Variants in PMPCB observed in about 807,000 individuals in gnomAD.
The protein encoded by PMPCB is mitochondrial-processing peptidase subunit beta.
A neutral mutation model predicts 61.5 loss-of-function variants in PMPCB; 46 were observed. The observed-to-expected ratio is 0.75, with a 90% CI of 0.59 to 0.96. The LOEUF is 0.96. Ranked by LOEUF, PMPCB falls within the 40% of genes least tolerant of loss-of-function variation. PMPCB has a pLI of 0.00. For synonymous variants in PMPCB, 191 were observed against 201.6 expected (o/e 0.95, Z 0.44); for missense variants, 590 against 602.4 (o/e 0.98, Z 0.22).
At chr7:103,316,963 G>A (rs973724298), downstream of PMPCB, 3 of 1,613,662 alleles carry the variant, frequency 1.9e-6, no homozygotes, top group Admixed American at 1.7e-5. Context: ...TGTCGCATAC[G>A]AGCCTCAGCT....
downstream of PMPCB, among the ~76,000 whole-genome samples, chr7:103,332,691 GTGA>G (rs552810260): frequency 1.1e-4 from 17 of 152,034 alleles, no homozygotes; most frequent in African/African-American, 3.6e-4. Context: ...GTGCAGTGGT[GTGA>G]TCACGGCTCA....
At chr7:103,331,927 C>G (rs1818990180), downstream of PMPCB, among the ~76,000 whole-genome samples, 1 of 152,098 alleles carries the variant, frequency 6.6e-6, no homozygotes, top group Non-Finnish European at 1.5e-5. Flanking sequence ...TGAGAAATCT[C>G]CATACTAATT....
rs778459068 is a variant in PMPCB, at chr7:103,312,288, A to C, written c.*17A>C. On this transcript the variant is annotated 3_prime_UTR_variant, in exon 13 of 13. Transcript: ENST00000249269. ...CGTGATTAAAATGCTCCTAATCAAG[A>C]TTGTTTGAACACATGTATTTATAAA... 3 of 1,607,994 alleles carry C rather than the reference A, an allele frequency of 1.9e-6. No individual in the cohort carries two copies. Among genetic ancestry groups the C allele is most frequent in the South Asian group, 1.1e-5 (1 of 90,966 alleles).
chr7:103,337,793 C>T, the PMPCB span: 2 of 1,613,514 alleles, frequency 1.2e-6, no homozygotes, highest in Non-Finnish European at 1.7e-6. Flanking sequence ...AGTCCAAGAA[C>T]TGCATAATGA....
Position 103,313,943 on chromosome 7 carries a change from G to C in PMPCB, c.*1672G>C, listed in dbSNP as rs528450251. ...CACAGACTAATACTACCAGTAGCCT[G>C]ACTACTACTAGAAACTGCGGCCTGT... On this transcript the variant is annotated 3_prime_UTR_variant, in exon 13 of 13. Coordinates refer to ENST00000249269, the MANE Select transcript of PMPCB (RefSeq NM_004279.3). 1 of 985,348 alleles carries C rather than the reference G, an allele frequency of 1.0e-6. No homozygotes were observed. The highest frequency in any genetic ancestry group is 1.7e-5 in the African/African-American group (1 of 57,354). The allele number at this position is 985,348 out of a possible 1,614,324, so 61.0% of individuals were successfully genotyped here. A position where few individuals can be genotyped will look rare whatever the true frequency, so the allele number is the denominator to read the frequency against.
At chr7:103,298,351 G>A (rs1273086157) in intron 1 of PMPCB, among the ~76,000 whole-genome samples, 2 of 152,076 alleles carry the variant, frequency 1.3e-5, no homozygotes, top group African/African-American at 4.8e-5. Flanking sequence ...TTCCCTGAGG[G>A]AAGGGCATGT....
chr7:103,318,756 T>C (rs545587911), downstream of PMPCB, among the ~76,000 whole-genome samples: 2 of 152,260 alleles, frequency 1.3e-5, no homozygotes, highest in African/African-American at 4.8e-5. Context: ...TGGTTCTAAC[T>C]GTTATTACCC....
the PMPCB span, among the ~76,000 whole-genome samples, chr7:103,334,651 T>C: frequency 6.6e-6 from 1 of 151,796 alleles, no homozygotes; most frequent in Non-Finnish European, 1.5e-5. Flanking sequence ...TCTTGCTATG[T>C]TGTCCAGGTT....
In PMPCB at chr7:103,312,036, C is replaced by T; in HGVS notation, c.1330-20C>T. 1 of 1,607,974 alleles carries T rather than the reference C, an allele frequency of 6.2e-7. No individual in the cohort carries two copies. The highest frequency in any genetic ancestry group is 8.5e-7 in the Non-Finnish European group (1 of 1,176,032). On this transcript the variant is annotated intron_variant, in intron 11 of 12. Coordinates refer to ENST00000249269, the MANE Select transcript of PMPCB (RefSeq NM_004279.3). Reference sequence around the variant, plus strand: ...GTTTTTACTACAAACAGCTGAATGACAGTGTCTTCCATATTTCAGGCTGTG... The same window carrying T: ...GTTTTTACTACAAACAGCTGAATGATAGTGTCTTCCATATTTCAGGCTGTG...
In PMPCB at chr7:103,297,518, G is replaced by A; in HGVS notation, c.59G>A (p.Gly20Asp). 4 of 1,600,574 alleles carry A rather than the reference G, an allele frequency of 2.5e-6. No individual in the cohort carries two copies. The highest frequency in any genetic ancestry group is 3.4e-6 in the Non-Finnish European group (4 of 1,172,834). ...TCCGCGGCGCGGCGGCGGCTCTGGG[G>A]TTTCAGCGAGAGTCTTCTAATCCGA... ...LSSAARRRLW[G>D]FSESLLIRGA... The change falls in exon 1 of 13, where the codon GGT becomes GAT. Residue 20 changes from glycine (G) to aspartate (D), a missense_variant. Physicochemically the swap from Gly to Asp is moderately conservative, Grantham distance 94 (BLOSUM62 -1). Transcript: ENST00000249269.
chr7:103,321,154 C>T (rs779089797), intron 12 of PMPCB, among the ~76,000 whole-genome samples: 2 of 151,538 alleles, frequency 1.3e-5, no homozygotes, highest in African/African-American at 2.4e-5. Flanking sequence ...GCCGAGATGG[C>T]GCCACTGCAC....
chr7:103,307,607 G>A lies in PMPCB; in HGVS notation c.748G>A (p.Asp250Asn). 1.2e-6 allele frequency: 2 copies of A among 1,603,388 alleles called. No homozygotes were observed. Among genetic ancestry groups the A allele is most frequent in the Non-Finnish European group, 1.7e-6 (2 of 1,170,268 alleles). ...VLAAAGGVSH[D>N]ELLDLAKFHF... The stretch of plus-strand genomic sequence containing the variant: ...TTCTTTCAATTTAGGTGTTTCCCAT[G>A]ATGAATTGCTTGACTTAGCAAAGTT... Residue 250 changes from aspartate (D) to asparagine (N), a missense_variant, in exon 7 of 13, where the codon GAT becomes AAT. Asp to Asn is a conservative substitution (Grantham distance 23). Transcript: ENST00000249269.
chr7:103,318,834 T>C (rs1008884760), downstream of PMPCB, among the ~76,000 whole-genome samples: 10 of 152,212 alleles, frequency 6.6e-5, no homozygotes, highest in African/African-American at 1.4e-4. Context: ...AAAGCTATGC[T>C]TGTGATAGAT....
chr7:103,327,327 C>T (rs1430479905), intron 12 of PMPCB: 5 of 1,272,966 alleles, frequency 3.9e-6, no homozygotes, highest in Middle Eastern at 2.2e-4. Context: ...AAATAGAACA[C>T]TTACATGAAT....
chr7:103,334,123 T>C (rs1249543007), downstream of PMPCB, among the ~76,000 whole-genome samples: 1 of 152,010 alleles, frequency 6.6e-6, no homozygotes, highest in Non-Finnish European at 1.5e-5. Context: ...GCTGATATTT[T>C]TGTATTTTTA....
chr7:103,314,197 G>T lies in PMPCB; in HGVS notation c.*1926G>T. The stretch of plus-strand genomic sequence containing the variant: ...TTGGTTTAAAGCCCTAAATACCATA[G>T]ATTTTATTTCCTCTCTTGGAAAAAA... On this transcript the variant is annotated 3_prime_UTR_variant, in exon 13 of 13. Coordinates refer to ENST00000249269, the MANE Select transcript of PMPCB (RefSeq NM_004279.3). 2 of 985,350 alleles carry T rather than the reference G, an allele frequency of 2.0e-6. No individual in the cohort carries two copies. The highest frequency in any genetic ancestry group is 2.4e-6 in the Non-Finnish European group (2 of 829,858). 61.0% of individuals were successfully genotyped at this position (985,350 alleles called of 1,614,324 possible).
At chr7:103,316,360 G>A (rs866314965), downstream of PMPCB, 6 of 275,308 alleles carry the variant, frequency 2.2e-5, no homozygotes, top group African/African-American at 1.1e-4. Context: ...ACTTATTTGT[G>A]TATACTGCCA....
chr7:103,334,408 C>T (rs938166550), downstream of PMPCB, among the ~76,000 whole-genome samples: 5 of 151,346 alleles, frequency 3.3e-5, no homozygotes, highest in African/African-American at 7.3e-5. Context: ...CTAAAAAATA[C>T]GAAAATTAGT....
At position 103,304,325 on chromosome 7, in the gene PMPCB, T is replaced by TA. The variant is rs1237406482; in HGVS notation, c.657-85dup. Reference sequence around the variant, plus strand: ...TTCTGACTGCATTTTAGGATACAGTTATGGTCCAATTTGATTTCAGGTATA... The same window carrying TA: ...TTCTGACTGCATTTTAGGATACAGTTAATGGTCCAATTTGATTTCAGGTATA... On this transcript the variant is annotated intron_variant, in intron 5 of 12. Transcript: ENST00000249269. 9.9e-6 allele frequency: 8 copies of TA among 811,470 alleles called. No homozygotes were observed. In the Admixed American group the frequency reaches 1.7e-4, roughly 17 times the overall value. 50.3% of individuals were successfully genotyped at this position (811,470 alleles called of 1,614,324 possible). A position where few individuals can be genotyped will look rare whatever the true frequency, so the allele number is the denominator to read the frequency against.
Sources: allele counts gnomAD v4.1 joint callset (sites outside exome capture counted in the v4.1 genomes callset), GRCh38; gene constraint gnomAD v4.1.1; transcripts MANE v1.5; gene names NCBI Gene and HGNC (gene_info 2026-07-23, HGNC 2026-07-21).